The following ASIC2 variants were observed in gnomAD, a reference collection of about 807,000 sequenced individuals.
ASIC2 encodes the protein acid sensing ion channel subunit 2, also known as acid-sensing ion channel 2.
In ASIC2, 25 loss-of-function variants were observed where a neutral mutation model predicts 57.3. The ratio of observed to expected loss-of-function variants is 0.44; its 90% CI spans 0.32 to 0.61. The LOEUF is 0.61. ASIC2 is among the 20% of genes least tolerant of loss of function. ASIC2 has a pLI of 0.06. For synonymous variants in ASIC2, 319 were observed against 307.5 expected (o/e 1.04, Z -0.39); for missense variants, 641 against 738.1 (o/e 0.87, Z 1.52).
chr17:33,350,233 G>A (rs989187667), intron 1 of ASIC2, among the ~76,000 whole-genome samples: 2 of 152,160 alleles, frequency 1.3e-5, no homozygotes, highest in Non-Finnish European at 1.5e-5. Flanking sequence ...TGTGGCATGT[G>A]TCTATGCCTT....
intron 1 of ASIC2, among the ~76,000 whole-genome samples, chr17:33,777,140 G>T (rs1001969572): frequency 1.3e-5 from 2 of 152,184 alleles, no homozygotes; most frequent in South Asian, 2.1e-4. Flanking sequence ...GATCCCCTTA[G>T]GGTCACCATC....
In ASIC2 at chr17:33,415,474, G is replaced by A. The variant is rs529339834; in HGVS notation, c.556-303407C>T. 2.6e-5 allele frequency among the ~76,000 whole-genome samples: 4 copies of A among 152,064 alleles called. No individual in the cohort carries two copies. The South Asian group carries it at 6.3e-4, about 24-fold the overall frequency. ...TAATCTGAGGTTAGTTAATTATGTA[G>A]AACCCATGGGCATGTAGAGCCCATT... On this transcript the variant is annotated intron_variant, in intron 1 of 9. Transcript: ENST00000359872.
At chr17:33,536,809 C>G (rs1303281976) in intron 1 of ASIC2, among the ~76,000 whole-genome samples, 1 of 152,132 alleles carries the variant, frequency 6.6e-6, no homozygotes, top group Non-Finnish European at 1.5e-5. Flanking sequence ...GAGTTCAAGT[C>G]CAACCTGGGC....
intron 1 of ASIC2, among the ~76,000 whole-genome samples, chr17:33,133,288 T>A (rs1327272585): frequency 6.6e-6 from 1 of 152,044 alleles, no homozygotes; most frequent in South Asian, 2.1e-4. Context: ...GAGGCAGGGC[T>A]TGAGTGAATG....
At chr17:33,183,377 A>G (rs969142698) in intron 1 of ASIC2, among the ~76,000 whole-genome samples, 1 of 152,216 alleles carries the variant, frequency 6.6e-6, no homozygotes, top group Non-Finnish European at 1.5e-5. Context: ...AAAAATTACA[A>G]TACATAATAA....
intron 1 of ASIC2, among the ~76,000 whole-genome samples, chr17:33,916,556 A>C (rs779645961): frequency 2.6e-5 from 4 of 152,208 alleles, no homozygotes; most frequent in African/African-American, 4.8e-5. Context: ...TGTTATTTCC[A>C]GAAGAAAGAA....
At chr17:33,463,513 G>A (rs1182523428) in intron 1 of ASIC2, among the ~76,000 whole-genome samples, 3 of 152,176 alleles carry the variant, frequency 2.0e-5, no homozygotes, top group African/African-American at 7.2e-5. Flanking sequence ...TGAATTAGAA[G>A]GCAGTTGGCT....
chr17:34,083,535 C>T (rs1434021119), intron 1 of ASIC2, among the ~76,000 whole-genome samples: 1 of 151,994 alleles, frequency 6.6e-6, no homozygotes, highest in East Asian at 1.9e-4. Flanking sequence ...TGGGTATATA[C>T]CCAGTAATGG....
chr17:33,021,177 C>CCCCTT (rs1567718661), intron 7 of ASIC2, 42 bp downstream of exon 7: 1 of 1,017,022 alleles, frequency 9.8e-7, no homozygotes, highest in Non-Finnish European at 1.5e-6. Context: ...CCCTCCCACC[C>CCCCTT]TCTATGAGAT....
intron 1 of ASIC2, among the ~76,000 whole-genome samples, chr17:33,341,473 T>A (rs1258383317): frequency 6.6e-6 from 1 of 152,160 alleles, no homozygotes; most frequent in Non-Finnish European, 1.5e-5. Flanking sequence ...CCACGCTCAT[T>A]TGTTTAGGCA....
chr17:34,077,587 A>G (rs1321754673), intron 1 of ASIC2, among the ~76,000 whole-genome samples: 1 of 152,186 alleles, frequency 6.6e-6, no homozygotes, highest in Non-Finnish European at 1.5e-5. Flanking sequence ...AATTAATGAA[A>G]GTCAGAAAGC....
intron 1 of ASIC2, among the ~76,000 whole-genome samples, chr17:33,753,219 C>A (rs184957859): frequency 1.5e-4 from 23 of 152,094 alleles, no homozygotes; most frequent in Admixed American, 7.2e-4. Context: ...AGCTACATAC[C>A]GTATGATTCC....
intron 1 of ASIC2, among the ~76,000 whole-genome samples, chr17:33,788,584 C>T (rs1257513407): frequency 1.3e-5 from 2 of 152,112 alleles, no homozygotes; most frequent in Admixed American, 6.6e-5. Context: ...AATCGTTCTA[C>T]TATAAAGACT....
chr17:33,054,211 C>A (rs1287064617), intron 3 of ASIC2, among the ~76,000 whole-genome samples: 1 of 152,120 alleles, frequency 6.6e-6, no homozygotes, highest in African/African-American at 2.4e-5. Context: ...GTATTTATTG[C>A]CTGACATGCC....
In ASIC2 at chr17:33,443,406, A is replaced by ATTT. The variant is rs779597047; in HGVS notation, c.556-331342_556-331340dup. 4.5e-3 allele frequency among the ~76,000 whole-genome samples: 336 copies of ATTT among 75,250 alleles called. 1 individual carries two copies. Among genetic ancestry groups the ATTT allele is most frequent in the African/African-American group, 6.3e-3 (114 of 18,100 alleles). 49.4% of individuals were successfully genotyped at this position (75,250 alleles called of 152,430 possible). A position where few individuals can be genotyped will look rare whatever the true frequency, so the allele number is the denominator to read the frequency against. ...TTTTTTATGTATGGTGGAGGGTAAG[A>ATTT]TTTTTTTTTTTTTTTTTTTTTTTTT... On this transcript the variant is annotated intron_variant, in intron 1 of 9. Coordinates refer to the ASIC2 transcript ENST00000359872.
intron 1 of ASIC2, among the ~76,000 whole-genome samples, chr17:33,251,925 G>T (rs185063203): frequency 2.6e-5 from 4 of 152,270 alleles, no homozygotes; most frequent in Non-Finnish European, 5.9e-5. Flanking sequence ...GTAAGTTCTT[G>T]GTTTAGCTCC....
chr17:33,411,925 G>A (rs770132156), intron 1 of ASIC2, among the ~76,000 whole-genome samples: 8 of 152,110 alleles, frequency 5.3e-5, no homozygotes, highest in South Asian at 4.1e-4. Context: ...AAAAGAGATC[G>A]CAATCTTATG....
At chr17:34,016,819 A>G (rs1419369347) in intron 1 of ASIC2, among the ~76,000 whole-genome samples, 1 of 152,226 alleles carries the variant, frequency 6.6e-6, no homozygotes, top group African/African-American at 2.4e-5. Flanking sequence ...CTTTTAAACA[A>G]TCGGAAGGAT....
chr17:34,033,977 T>C (rs1246389099), intron 1 of ASIC2, among the ~76,000 whole-genome samples: 2 of 152,142 alleles, frequency 1.3e-5, no homozygotes, highest in Non-Finnish European at 2.9e-5. Context: ...TTCCAATCAA[T>C]AGTAAAAGAG....
Sources: gnomAD v4.1 joint callset for allele counts (sites outside exome capture counted in the v4.1 genomes callset) on GRCh38, gnomAD v4.1.1 for gene constraint, MANE v1.5 for transcripts, NCBI Gene and HGNC (gene_info 2026-07-23, HGNC 2026-07-21) for gene names.